ADGRV1: variants seen among roughly 807,000 people sequenced by gnomAD.
The protein encoded by ADGRV1 is G-protein coupled receptor 98.
Under a neutral mutation model 596.2 loss-of-function variants are expected in ADGRV1, and 359 were observed. The observed-to-expected ratio is 0.60, with a 90% CI of 0.55 to 0.66. The LOEUF is 0.66. Ranked by LOEUF, ADGRV1 falls within the 30% of genes least tolerant of loss-of-function variation. The probability of loss-of-function intolerance (pLI) is 0.00; values close to 1 mark genes in which losing one functional copy is unlikely to be tolerated. For synonymous variants in ADGRV1, 2,681 were observed against 2,679.2 expected (o/e 1.00, Z -0.02); for missense variants, 7,274 against 7,575.6 (o/e 0.96, Z 1.48).
chr5:90,851,124 T>A (rs1561847331), intron 79 of ADGRV1, among the ~76,000 whole-genome samples: 1 of 98,496 alleles, frequency 1.0e-5, no homozygotes, highest in African/African-American at 3.6e-5. Context: ...TGTGTGTGTG[T>A]GTGTGTGTGT....
chr5:90,939,646 T>C (rs1311434570), intron 83 of ADGRV1, among the ~76,000 whole-genome samples: 1 of 152,198 alleles, frequency 6.6e-6, no homozygotes, highest in Admixed American at 6.5e-5. Flanking sequence ...CATCTGGGAA[T>C]AATATTTAGA....
At chr5:91,039,989 G>T (rs1458572661) in intron 85 of ADGRV1, among the ~76,000 whole-genome samples, 3 of 152,140 alleles carry the variant, frequency 2.0e-5, no homozygotes, top group Non-Finnish European at 2.9e-5. Flanking sequence ...AGAGCCAGAA[G>T]AGACCTATGA....
At chr5:90,626,142 C>A (rs2064563268) in intron 6 of ADGRV1, 1 of 152,008 alleles carries the variant, frequency 6.6e-6, no homozygotes, top group Non-Finnish European at 1.5e-5. Context: ...CAATTTGTAA[C>A]CCTCCCTCTA....
intron 1 of ADGRV1, among the ~76,000 whole-genome samples, chr5:90,578,703 G>A (rs1395313596): frequency 6.6e-6 from 1 of 152,174 alleles, no homozygotes; most frequent in Non-Finnish European, 1.5e-5. Flanking sequence ...GTTCCTCTTT[G>A]TACTTCTGGT....
At chr5:90,933,727 CCTT>C (rs1467993595) in intron 83 of ADGRV1, among the ~76,000 whole-genome samples, 2 of 152,128 alleles carry the variant, frequency 1.3e-5, no homozygotes, top group South Asian at 2.1e-4. Context: ...GCCCTCCAAT[CCTT>C]CTGTTTTTTG....
At chr5:91,056,674 T>C (rs1246077974) in intron 85 of ADGRV1, among the ~76,000 whole-genome samples, 1 of 152,134 alleles carries the variant, frequency 6.6e-6, no homozygotes, top group African/African-American at 2.4e-5. Context: ...TGATGATTGC[T>C]CTCACTTGGT....
chr5:91,066,305 C>A (rs1787878844), intron 85 of ADGRV1, among the ~76,000 whole-genome samples: 1 of 152,180 alleles, frequency 6.6e-6, no homozygotes, highest in African/African-American at 2.4e-5. Context: ...TTTCCTAACA[C>A]CCCTGATCAC....
chr5:90,981,534 T>C (rs1363590839), intron 84 of ADGRV1, among the ~76,000 whole-genome samples: 1 of 152,086 alleles, frequency 6.6e-6, no homozygotes, highest in Non-Finnish European at 1.5e-5. Flanking sequence ...GCTGTGCACG[T>C]TGGCTTAATT....
At chr5:90,805,524 G>C (rs557054850) in intron 72 of ADGRV1, 66 bp downstream of exon 72, 14 of 1,320,374 alleles carry the variant, frequency 1.1e-5, no homozygotes, top group Non-Finnish European at 1.4e-5. Flanking sequence ...GCCACTAATT[G>C]TCTTGGGTTA....
At chr5:91,128,543 A>G (rs1165621268) in intron 87 of ADGRV1, among the ~76,000 whole-genome samples, 1 of 152,170 alleles carries the variant, frequency 6.6e-6, no homozygotes, top group Non-Finnish European at 1.5e-5. Flanking sequence ...GGATGAATAA[A>G]TACTTGGATG....
At chr5:90,754,607 AT>A (rs917249590) in intron 54 of ADGRV1, among the ~76,000 whole-genome samples, 14 of 152,120 alleles carry the variant, frequency 9.2e-5, no homozygotes, top group African/African-American at 3.4e-4. Context: ...ATAATTTTTC[AT>A]TTTTTGAAGA....
At chr5:90,652,851 C>T (rs776437406) in intron 19 of ADGRV1, among the ~76,000 whole-genome samples, 8 of 152,134 alleles carry the variant, frequency 5.3e-5, no homozygotes, top group Admixed American at 6.6e-5. Context: ...TCCAACAAGA[C>T]GTTAGTGGAA....
chr5:90,815,759 G>C, intron 75 of ADGRV1, 23 bp downstream of exon 75: 1 of 1,192,824 alleles, frequency 8.4e-7, no homozygotes, highest in Non-Finnish European at 1.2e-6. Context: ...ATAGTATATG[G>C]AAGACGTAAC....
chr5:90,853,998 T>C (rs1766784269), intron 80 of ADGRV1, 64 bp from the exon 81 acceptor site: 21 of 1,214,216 alleles, frequency 1.7e-5, no homozygotes, highest in African/African-American at 3.0e-5. Flanking sequence ...AAGTTCAGGG[T>C]AAGAGACTCA....
intron 83 of ADGRV1, among the ~76,000 whole-genome samples, chr5:90,883,416 A>G (rs1323589909): frequency 6.6e-6 from 1 of 152,158 alleles, no homozygotes; most frequent in African/African-American, 2.4e-5. Flanking sequence ...AAAATCCAGT[A>G]GTGAGGTATG....
chr5:90,793,845 A>C (rs1259175040), intron 70 of ADGRV1, among the ~76,000 whole-genome samples: 1 of 152,180 alleles, frequency 6.6e-6, no homozygotes, highest in African/African-American at 2.4e-5. Context: ...TCACTTTAAT[A>C]TCTCTTTTTA....
At chr5:90,683,479 A>G in intron 27 of ADGRV1, 107 bp from the exon 28 acceptor site, 1 of 907,230 alleles carries the variant, frequency 1.1e-6, no homozygotes, top group Admixed American at 2.9e-5. Flanking sequence ...CTGGAGAAGA[A>G]CTTATATAAA....
Position 90,653,917 on chromosome 5 carries a change from G to T in ADGRV1, c.4343G>T (p.Gly1448Val). The T allele has an allele frequency of 6.4e-7, 1 of 1,565,464 alleles. No homozygotes were observed. The highest frequency in any genetic ancestry group is 8.7e-7 in the Non-Finnish European group (1 of 1,154,128). ...CTGGATGGAAATGCAATGCCCAGGG[G>T]AATCAAGAGTCTGAAAGGAGAAGCC... ...FYLDGNAMPR[G>V]IKSLKGEAIT... is the part of the protein sequence containing the mutation. The change falls in exon 20 of 90, where the codon GGA becomes GTA. Residue 1448 changes from glycine (G) to valine (V), a missense_variant. Coordinates refer to ENST00000405460, the MANE Select transcript of ADGRV1 (RefSeq NM_032119.4).
chr5:90,753,900 A>G (rs1755543991), intron 54 of ADGRV1, 71 bp downstream of exon 54: 1 of 1,376,418 alleles, frequency 7.3e-7, no homozygotes, highest in Non-Finnish European at 9.7e-7. Context: ...TAATATTTAT[A>G]AGGAATGTAA....
Sources: allele counts gnomAD v4.1 joint callset (sites outside exome capture counted in the v4.1 genomes callset), GRCh38; gene constraint gnomAD v4.1.1; transcripts MANE v1.5; gene names NCBI Gene and HGNC (gene_info 2026-07-23, HGNC 2026-07-21).